Variants in LEPR observed in about 807,000 individuals in gnomAD.
The protein encoded by LEPR is OB receptor.
In LEPR, 56 loss-of-function variants were observed where a neutral mutation model predicts 114.7. That is an observed-to-expected ratio of 0.49 (90% CI 0.39 to 0.61). The LOEUF (loss-of-function observed/expected upper bound fraction) is 0.61. Among genes scored for constraint, LEPR ranks in the 20% least tolerant of loss-of-function variants. The probability of loss-of-function intolerance (pLI) is 0.00; values close to 1 mark genes in which losing one functional copy is unlikely to be tolerated. For synonymous variants in LEPR, 443 were observed against 461.4 expected (o/e 0.96, Z 0.51); for missense variants, 1,202 against 1,352.9 (o/e 0.89, Z 1.75).
intron 2 of LEPR, among the ~76,000 whole-genome samples, chr1:65,544,722 A>T (rs1427434110): frequency 6.7e-6 from 1 of 148,914 alleles, no homozygotes; most frequent in East Asian, 2.8e-4. Flanking sequence ...GCATATAAAT[A>T]TAATAGAATA....
intron 2 of LEPR, among the ~76,000 whole-genome samples, chr1:65,473,078 T>G (rs533190018): frequency 1.3e-5 from 2 of 152,358 alleles, no homozygotes; most frequent in South Asian, 2.1e-4. Context: ...AGTCCATTGT[T>G]CTTTAGCTTC....
At chr1:65,541,878 T>G (rs1040456522) in intron 2 of LEPR, among the ~76,000 whole-genome samples, 1 of 152,290 alleles carries the variant, frequency 6.6e-6, no homozygotes, top group Admixed American at 6.5e-5. Flanking sequence ...ACTCAGAGAT[T>G]TTTTGAGATC....
At chr1:65,466,888 G>A (rs1488058573) in intron 2 of LEPR, among the ~76,000 whole-genome samples, 4 of 152,130 alleles carry the variant, frequency 2.6e-5, no homozygotes, top group East Asian at 1.9e-4. Context: ...GGTCATTTAA[G>A]GTCTTCTCTA....
At position 65,633,012 on chromosome 1, in the gene LEPR, A is replaced by G; in HGVS notation, c.2674-3179A>G. 1.5e-6 allele frequency: 1 copy of G among 679,684 alleles called. No individual in the cohort carries two copies. The highest frequency in any genetic ancestry group is 2.7e-5 in the East Asian group (1 of 36,694). The allele number at this position is 679,684 out of a possible 1,614,324, so 42.1% of individuals were successfully genotyped here. On this transcript the variant is annotated intron_variant, in intron 19 of 19. Coordinates refer to ENST00000349533, the MANE Select transcript of LEPR (RefSeq NM_002303.6). This position sits in a 1 kb window ranked among gnomAD's most constrained non-coding sequence, Gnocchi z 4.1. ...GTTCAAAATTTTGCCCTTTCCCAAA[A>G]GGATGCATTATTGTAACCTAACACA...
chr1:65,601,436 AATGTTTCTTTTCACTGCAT>A lies in LEPR; in HGVS notation c.1040_1058del (p.Asn347ThrfsTer18). The A allele has an allele frequency of 6.2e-7, 1 of 1,613,516 alleles. No homozygotes were observed. The highest frequency in any genetic ancestry group is 8.5e-7 in the Non-Finnish European group (1 of 1,179,650). On this transcript the variant is annotated frameshift_variant, in exon 9 of 20. Coordinates refer to ENST00000349533, the MANE Select transcript of LEPR (RefSeq NM_002303.6). LOFTEE classifies it high-confidence loss of function. ...TAAAATTCTGACAAGTGTTGGGTCTAATGTTTCTTTTCACTGCATCTATAAGAAGGAAAACAAGATTGTT... is the reference window on the plus strand; with the variant it reads ...TAAAATTCTGACAAGTGTTGGGTCTACTATAAGAAGGAAAACAAGATTGTT...
intron 2 of LEPR, among the ~76,000 whole-genome samples, chr1:65,515,931 A>G (rs1418554024): frequency 6.6e-6 from 1 of 152,246 alleles, no homozygotes; most frequent in Non-Finnish European, 1.5e-5. Flanking sequence ...CTGTTAATTA[A>G]GGATTTTGAA....
intron 19 of LEPR, 127 bp downstream of exon 19, chr1:65,623,108 T>C: frequency 1.1e-6 from 1 of 909,700 alleles, no homozygotes. Context: ...TCTTAATATA[T>C]CTGTTATTAT....
chr1:65,627,259 A>T (rs1658273764), intron 19 of LEPR, among the ~76,000 whole-genome samples: 1 of 152,248 alleles, frequency 6.6e-6, no homozygotes, highest in South Asian at 2.1e-4. Flanking sequence ...ACACTTAAAA[A>T]TAGTTCAAAT....
intron 5 of LEPR, among the ~76,000 whole-genome samples, chr1:65,580,672 AAC>A (rs1297859162): frequency 6.6e-6 from 1 of 152,090 alleles, no homozygotes; most frequent in Non-Finnish European, 1.5e-5. Context: ...AAGGTTCTAC[AAC>A]ACAGACTCAG....
At chr1:65,488,452 C>T (rs910781638) in intron 2 of LEPR, among the ~76,000 whole-genome samples, 51 of 150,836 alleles carry the variant, frequency 3.4e-4, no homozygotes, top group African/African-American at 1.2e-3. Flanking sequence ...CCATCTCAGC[C>T]TCCCAAGTAG....
At chr1:65,481,645 A>T (rs1647241877) in intron 2 of LEPR, among the ~76,000 whole-genome samples, 1 of 152,120 alleles carries the variant, frequency 6.6e-6, no homozygotes, top group African/African-American at 2.4e-5. Flanking sequence ...TGTTTAAGAC[A>T]TAGGTACAAA....
intron 2 of LEPR, among the ~76,000 whole-genome samples, chr1:65,469,570 G>A (rs1017358633): frequency 1.2e-4 from 19 of 152,144 alleles, no homozygotes; most frequent in Non-Finnish European, 2.1e-4. Flanking sequence ...TGAGAAATTT[G>A]ACATTTACAC....
At chr1:65,530,079 G>T (rs1363015152) in intron 2 of LEPR, among the ~76,000 whole-genome samples, 1 of 152,114 alleles carries the variant, frequency 6.6e-6, no homozygotes, top group African/African-American at 2.4e-5. Context: ...TTTCCATTTG[G>T]ATGTCTAGTA....
intron 6 of LEPR, 116 bp from the exon 7 acceptor site, chr1:65,596,332 C>T: frequency 7.7e-7 from 1 of 1,304,846 alleles, no homozygotes; most frequent in Admixed American, 2.0e-5. Context: ...ATAAAGTCAC[C>T]TTTTAAGTAC....
At chr1:65,607,070 G>T (rs1656861220) in intron 11 of LEPR, among the ~76,000 whole-genome samples, 1 of 152,146 alleles carries the variant, frequency 6.6e-6, no homozygotes, top group South Asian at 2.1e-4. Context: ...ACAGTAGCAT[G>T]ATTTATAAGA....
rs13306522 is a variant in LEPR, at chr1:65,601,702, G to A, written c.1285+20G>A. The A allele has an allele frequency of 0.017, 27,943 of 1,613,190 alleles. 312 individuals are homozygous for A. Among genetic ancestry groups the A allele is most frequent in the Admixed American group, 0.027 (1,613 of 59,976 alleles). ...TGATTGGTAAGAAAACAGAGGTTTT[G>A]TTCATTTTGTTCCACAACTTGAATT... is the stretch of plus-strand genomic sequence containing the variant. On this transcript the variant is annotated intron_variant, in intron 9 of 19. Transcript: ENST00000349533.
At chr1:65,440,564 G>A (rs909202459) in intron 2 of LEPR, among the ~76,000 whole-genome samples, 2 of 152,096 alleles carry the variant, frequency 1.3e-5, no homozygotes, top group Non-Finnish European at 2.9e-5. Flanking sequence ...GACGTTTGAA[G>A]GAAGTAGAGG....
chr1:65,502,119 C>A (rs377096055), intron 2 of LEPR, among the ~76,000 whole-genome samples: 38 of 152,208 alleles, frequency 2.5e-4, no homozygotes, highest in Non-Finnish European at 4.3e-4. Context: ...GAAACCCCAA[C>A]GCCCAGTACA....
intron 2 of LEPR, among the ~76,000 whole-genome samples, chr1:65,444,436 T>A (rs1646688077): frequency 6.6e-6 from 1 of 152,134 alleles, no homozygotes; most frequent in Non-Finnish European, 1.5e-5. Context: ...TATCTGGCCC[T>A]TCTTTGATTC....
Sources: gnomAD v4.1 joint callset for allele counts (sites outside exome capture counted in the v4.1 genomes callset) on GRCh38, gnomAD v4.1.1 for gene constraint, Gnocchi (gnomAD v3.1) non-coding constraint, MANE v1.5 for transcripts, NCBI Gene and HGNC (gene_info 2026-07-23, HGNC 2026-07-21) for gene names.